The following ACER1 variants were observed in gnomAD, a reference collection of about 807,000 sequenced individuals.
The protein encoded by ACER1 is CTB-180A7.3.
Under a neutral mutation model 24.9 loss-of-function variants are expected in ACER1, and 28 were observed. The ratio of observed to expected loss-of-function variants is 1.13; its 90% CI spans 0.83 to 1.54. ACER1 has a LOEUF of 1.54. Among genes scored for constraint, ACER1 ranks in the 40% most tolerant of loss-of-function variants. The probability of loss-of-function intolerance (pLI) is 0.00; values close to 1 mark genes in which losing one functional copy is unlikely to be tolerated. For synonymous variants in ACER1, 132 were observed against 131.4 expected, an observed-to-expected ratio of 1.00 and a Z score of -0.03; for missense variants, 352 against 349.3, an observed-to-expected ratio of 1.01 and a Z score of -0.06.
At chr19:6,308,738 G>A (rs2091563421) in intron 4 of ACER1, among the ~76,000 whole-genome samples, 1 of 152,104 alleles carries the variant, frequency 6.6e-6, no homozygotes, top group Non-Finnish European at 1.5e-5. Flanking sequence ...GTAATCAGGG[G>A]AGTTAAATTA....
chr19:6,351,576 A>G, the ACER1 span, among the ~76,000 whole-genome samples: 1 of 151,208 alleles, frequency 6.6e-6, no homozygotes, highest in South Asian at 2.1e-4. Context: ...ACCAAAAAAA[A>G]AAAAGAAATT....
intron 1 of ACER1, among the ~76,000 whole-genome samples, chr19:6,327,497 G>T (rs766228597): frequency 6.6e-6 from 1 of 151,880 alleles, no homozygotes; most frequent in South Asian, 2.1e-4. Flanking sequence ...CCCGGGAGGC[G>T]GAGCTTGCAG....
chr19:6,308,255 C>T (rs893986362), intron 4 of ACER1, among the ~76,000 whole-genome samples: 6 of 151,784 alleles, frequency 4.0e-5, no homozygotes, highest in African/African-American at 1.2e-4. Context: ...GCCAACATGG[C>T]GAAACTCTGT....
chr19:6,325,754 G>A (rs1428070039), intron 1 of ACER1, among the ~76,000 whole-genome samples: 1 of 152,088 alleles, frequency 6.6e-6, no homozygotes, highest in African/African-American at 2.4e-5. Flanking sequence ...CAGCTACTCT[G>A]GGGGCTGAGA....
intron 1 of ACER1, among the ~76,000 whole-genome samples, chr19:6,332,052 C>T (rs139871384): frequency 0.02 from 3,083 of 151,080 alleles, 41 homozygotes; most frequent in Non-Finnish European, 0.031. Flanking sequence ...TTGAAACCTC[C>T]GCCTCCTGGG....
intron 1 of ACER1, among the ~76,000 whole-genome samples, chr19:6,314,119 TTGTGAATATATATATATATATAATA>T (rs1270158715): frequency 7.0e-5 from 10 of 143,280 alleles, no homozygotes; most frequent in African/African-American, 2.4e-4. Flanking sequence ...TAAATATATA[TTGTGAATATATATATATATATAATA>T]TGTGAATATA....
chr19:6,312,741 T>A (rs1468265101), intron 1 of ACER1, among the ~76,000 whole-genome samples: 1 of 149,400 alleles, frequency 6.7e-6, no homozygotes, highest in Admixed American at 6.7e-5. Flanking sequence ...AGTGGTGCCA[T>A]CTCAGCTCAC....
the ACER1 span, among the ~76,000 whole-genome samples, chr19:6,340,287 AGAAAGAAGGAAGGAAGGAAGGAAGGAAG>A: frequency 3.1e-5 from 4 of 130,552 alleles, no homozygotes; most frequent in African/African-American, 8.9e-5. Context: ...CTCCAAAAAA[AGAAAGAAGGAAGGAAGGAAGGAAGGAAG>A]GAAGGAAGGA....
chr19:6,312,923 C>T (rs539060281), intron 1 of ACER1, among the ~76,000 whole-genome samples: 3 of 152,040 alleles, frequency 2.0e-5, no homozygotes, highest in East Asian at 3.9e-4. Context: ...GTGATCCGCC[C>T]ATCTTGGCCT....
intron 1 of ACER1, among the ~76,000 whole-genome samples, chr19:6,312,756 A>T (rs2091588392): frequency 6.7e-6 from 1 of 148,368 alleles, no homozygotes; most frequent in Non-Finnish European, 1.5e-5. Flanking sequence ...GCTCACTGCA[A>T]CCTCCACCTC....
upstream of ACER1, among the ~76,000 whole-genome samples, chr19:6,337,035 G>A (rs1298745420): frequency 6.6e-6 from 1 of 151,770 alleles, no homozygotes; most frequent in African/African-American, 2.4e-5. Context: ...AATTAGCCTG[G>A]TGTGGTGGCA....
At chr19:6,311,634 A>AAGGAGAAGGAGGAGGAGG (rs2091581793) in intron 3 of ACER1, among the ~76,000 whole-genome samples, 1 of 137,842 alleles carries the variant, frequency 7.3e-6, no homozygotes, top group Non-Finnish European at 1.6e-5. Context: ...GGAGGAGGAG[A>AAGGAGAAGGAGGAGGAGG]AGAAGAAGAA....
intron 3 of ACER1, among the ~76,000 whole-genome samples, chr19:6,310,158 G>A (rs938422362): frequency 4.6e-5 from 7 of 151,956 alleles, no homozygotes; most frequent in African/African-American, 9.7e-5. Flanking sequence ...TGCGATCTGG[G>A]CTCGCTGCAA....
chr19:6,313,985 G>C (rs1192524986), intron 1 of ACER1, among the ~76,000 whole-genome samples: 4 of 152,178 alleles, frequency 2.6e-5, no homozygotes, highest in Non-Finnish European at 5.9e-5. Flanking sequence ...TTCAGGTGAT[G>C]GCCGGGCATG....
upstream of ACER1, among the ~76,000 whole-genome samples, chr19:6,338,588 CA>C (rs1358644088): frequency 6.6e-6 from 1 of 152,000 alleles, no homozygotes; most frequent in African/African-American, 2.4e-5. Context: ...ATAATTATTC[CA>C]TTTTTTTTAA....
the ACER1 span, among the ~76,000 whole-genome samples, chr19:6,344,395 T>C: frequency 1.3e-5 from 2 of 151,776 alleles, no homozygotes; most frequent in African/African-American, 2.4e-5. Flanking sequence ...TGAGCCAAGA[T>C]TGTGCCATTG....
the ACER1 span, among the ~76,000 whole-genome samples, chr19:6,357,205 C>A: frequency 6.6e-6 from 1 of 151,974 alleles, no homozygotes; most frequent in African/African-American, 2.4e-5. Flanking sequence ...GGCCACCATG[C>A]CTGGCTAATT....
the ACER1 span, among the ~76,000 whole-genome samples, chr19:6,358,659 C>T: frequency 2.0e-5 from 3 of 148,664 alleles, no homozygotes; most frequent in Admixed American, 1.3e-4. Flanking sequence ...AGTGGCCGGG[C>T]GCAGTGGCTC....
At chr19:6,318,557 C>T (rs1251929425) in intron 1 of ACER1, among the ~76,000 whole-genome samples, 1 of 147,146 alleles carries the variant, frequency 6.8e-6, no homozygotes, top group African/African-American at 2.5e-5. Context: ...GCAGGCGGAT[C>T]ATGAGGTCAC....
Sources: allele counts gnomAD v4.1 joint callset (sites outside exome capture counted in the v4.1 genomes callset), GRCh38; gene constraint gnomAD v4.1.1; transcripts MANE v1.5; gene names NCBI Gene and HGNC (gene_info 2026-07-23, HGNC 2026-07-21).